The following RPAP2 variants were observed in gnomAD, a reference collection of about 807,000 sequenced individuals.
RPAP2 encodes the protein RNA polymerase II associated protein 2.
A neutral mutation model predicts 73.1 loss-of-function variants in RPAP2; 52 were observed. The ratio of observed to expected loss-of-function variants is 0.71; its 90% confidence interval spans 0.57 to 0.90. The LOEUF is 0.90. RPAP2 is among the 40% of genes least tolerant of loss of function. The pLI is 0.00. For synonymous variants in RPAP2, 225 were observed against 242.1 expected, an observed-to-expected ratio of 0.93 and a Z score of 0.65; for missense variants, 598 against 701.8, an observed-to-expected ratio of 0.85 and a Z score of 1.67.
chr1:92,320,337 A>G (rs1652176135), intron 6 of RPAP2, among the ~76,000 whole-genome samples: 1 of 152,056 alleles, frequency 6.6e-6, no homozygotes, highest in Non-Finnish European at 1.5e-5. Context: ...CAGTGGCGCA[A>G]TCTCGGCTCA....
chr1:92,348,849 A>G lies in RPAP2; in HGVS notation c.1688+2935A>G, dbSNP rs75693341. Among the ~76,000 whole-genome samples, 399 of 152,346 alleles carry G rather than the reference A, an allele frequency of 2.6e-3. 3 individuals are homozygous for G. Among genetic ancestry groups the G allele is most frequent in the South Asian group, 9.3e-3 (45 of 4,828 alleles). On this transcript the variant is annotated intron_variant, in intron 11 of 12. Transcript: ENST00000610020. ...TCTTCTCCCCCTTACAGTTTTCACA[A>G]TTACATTTTAGAGAAGGCATTTTGT... is the stretch of plus-strand genomic sequence containing the variant.
chr1:92,334,440 C>T (rs1263305999), intron 9 of RPAP2, among the ~76,000 whole-genome samples: 2 of 152,010 alleles, frequency 1.3e-5, no homozygotes, highest in Non-Finnish European at 2.9e-5. Context: ...TGGTTATGAT[C>T]ATTTTATTGT....
chr1:92,347,001 A>G (rs1341986329), intron 11 of RPAP2, among the ~76,000 whole-genome samples: 1 of 152,090 alleles, frequency 6.6e-6, no homozygotes, highest in African/African-American at 2.4e-5. Flanking sequence ...TCTTTCTTTG[A>G]TATTACTTCA....
chr1:92,374,854 T>C (rs1655318958), intron 11 of RPAP2, among the ~76,000 whole-genome samples: 1 of 151,996 alleles, frequency 6.6e-6, no homozygotes, highest in Non-Finnish European at 1.5e-5. Context: ...AAACTGCACA[T>C]TGGATACAGT....
chr1:92,331,678 T>C (rs1652977027), intron 8 of RPAP2, among the ~76,000 whole-genome samples: 1 of 152,184 alleles, frequency 6.6e-6, no homozygotes, highest in Non-Finnish European at 1.5e-5. Context: ...ATTTCAAATA[T>C]ATTGCAAGAT....
chr1:92,384,450 C>G (rs1424375892), intron 12 of RPAP2, among the ~76,000 whole-genome samples: 1 of 150,868 alleles, frequency 6.6e-6, no homozygotes, highest in Admixed American at 6.6e-5. Context: ...ATGGTGAAAC[C>G]CTGTCTCTAC....
chr1:92,328,473 A>G (rs886356110), intron 8 of RPAP2, among the ~76,000 whole-genome samples: 1 of 152,110 alleles, frequency 6.6e-6, no homozygotes, highest in Non-Finnish European at 1.5e-5. Context: ...TTCTCTAAGT[A>G]TGTCCTTCAT....
chr1:92,342,333 G>A (rs888335346), intron 10 of RPAP2, among the ~76,000 whole-genome samples: 14 of 152,346 alleles, frequency 9.2e-5, no homozygotes, highest in African/African-American at 3.1e-4. Flanking sequence ...CAGGCCTGGT[G>A]TATTCACAGA....
chr1:92,341,484 TTGAAA>T (rs896026183), intron 10 of RPAP2, among the ~76,000 whole-genome samples: 10 of 152,264 alleles, frequency 6.6e-5, no homozygotes, highest in Non-Finnish European at 1.2e-4. Context: ...TGGAAGTACT[TTGAAA>T]TGAAATGAAA....
rs1264987666 is a variant in RPAP2, at chr1:92,393,646, C to G, written c.*6635C>G. On this transcript the variant is annotated 3_prime_UTR_variant, in exon 13 of 13. Coordinates refer to ENST00000610020, the MANE Select transcript of RPAP2 (RefSeq NM_024813.3). ...AATTTACAAGAAAAAAGCAAACAAC[C>G]CCATCAAAAAATGGGCAAAGGATAT... The G allele has an allele frequency of 6.6e-6, 1 of 152,030 alleles. No homozygotes were observed. The highest frequency in any genetic ancestry group is 1.5e-5 in the Non-Finnish European group (1 of 68,010). 9.4% of individuals were successfully genotyped at this position (152,030 alleles called of 1,614,324 possible).
intron 11 of RPAP2, among the ~76,000 whole-genome samples, chr1:92,347,782 G>A (rs1653982611): frequency 6.6e-6 from 1 of 152,048 alleles, no homozygotes; most frequent in African/African-American, 2.4e-5. Context: ...CTTTAACTTT[G>A]GATATAATGT....
rs1190776839 is a variant in RPAP2, at chr1:92,304,361, G to C, written c.399+12G>C. The C allele has an allele frequency of 6.9e-7, 1 of 1,451,838 alleles. No homozygotes were observed. The highest frequency in any genetic ancestry group is 9.4e-7 in the Non-Finnish European group (1 of 1,062,614). 89.9% of individuals were successfully genotyped at this position (1,451,838 alleles called of 1,614,324 possible). ...TTACTGAAAGAAAGGTGAGTTTAAA[G>C]GCTTTCATTGTGGCAATTAATTTTT... is the stretch of plus-strand genomic sequence containing the variant. On this transcript the variant is annotated intron_variant, in intron 5 of 12. Coordinates refer to ENST00000610020, the MANE Select transcript of RPAP2 (RefSeq NM_024813.3).
chr1:92,310,968 G>A (rs1057436810), intron 6 of RPAP2, among the ~76,000 whole-genome samples: 8 of 152,152 alleles, frequency 5.3e-5, no homozygotes, highest in Non-Finnish European at 7.3e-5. Flanking sequence ...ACTATAATAA[G>A]TGCATTTTAC....
chr1:92,328,501 G>A (rs1363004089), intron 8 of RPAP2, among the ~76,000 whole-genome samples: 1 of 152,088 alleles, frequency 6.6e-6, no homozygotes, highest in Non-Finnish European at 1.5e-5. Flanking sequence ...AGTTGTGATA[G>A]TTTTTTATTT....
At chr1:92,341,794 G>A (rs1356527049) in intron 10 of RPAP2, among the ~76,000 whole-genome samples, 5 of 152,044 alleles carry the variant, frequency 3.3e-5, no homozygotes, top group Non-Finnish European at 5.9e-5. Flanking sequence ...ACAGGCATGC[G>A]CCACCACACC....
intron 12 of RPAP2, among the ~76,000 whole-genome samples, chr1:92,386,557 A>G (rs1005933280): frequency 6.6e-6 from 1 of 152,218 alleles, no homozygotes; most frequent in African/African-American, 2.4e-5. Flanking sequence ...TTAGCCCTCA[A>G]GTTGAATACG....
chr1:92,315,125 A>T (rs1400283222), intron 6 of RPAP2, among the ~76,000 whole-genome samples: 3 of 152,118 alleles, frequency 2.0e-5, no homozygotes, highest in South Asian at 4.1e-4. Flanking sequence ...AAAAAAAAAA[A>T]TTTAAAGGAA....
In RPAP2 at chr1:92,330,157, G is replaced by A. The variant is rs1417072603; in HGVS notation, c.1456-3234G>A. ...AACTGAGATAAAAGCCAGAGAGCAA[G>A]GAAGCCCATTGATGCAGCCCATACA... On this transcript the variant is annotated intron_variant, in intron 8 of 12. Coordinates refer to ENST00000610020, the MANE Select transcript of RPAP2 (RefSeq NM_024813.3). Among the ~76,000 whole-genome samples, 4 of 152,304 alleles carry A rather than the reference G, an allele frequency of 2.6e-5. No homozygotes were observed. In the South Asian group the frequency reaches 8.3e-4, roughly 32 times the overall value.
At chr1:92,307,342 GAT>G in intron 6 of RPAP2, 66 bp downstream of exon 6, 1 of 1,074,530 alleles carries the variant, frequency 9.3e-7, no homozygotes, top group Non-Finnish European at 1.4e-6. Flanking sequence ...TGCTTTTTGA[GAT>G]TAGCTGAGAG....
Sources: allele counts gnomAD v4.1 joint callset (sites outside exome capture counted in the v4.1 genomes callset), GRCh38; gene constraint gnomAD v4.1.1; transcripts MANE v1.5; gene names NCBI Gene and HGNC (gene_info 2026-07-23, HGNC 2026-07-21).